Variants in INPP5F observed in about 807,000 individuals in gnomAD.
INPP5F encodes phosphatidylinositide 4-phosphatase SAC2.
In INPP5F, 97 loss-of-function variants were observed where a neutral mutation model predicts 137.2. The observed-to-expected ratio is 0.71, with a 90% CI of 0.60 to 0.84. INPP5F has a LOEUF of 0.84. Among genes scored for constraint, INPP5F ranks in the 40% least tolerant of loss-of-function variants. The probability of loss-of-function intolerance (pLI) is 0.00; values close to 1 mark genes in which losing one functional copy is unlikely to be tolerated. For synonymous variants in INPP5F, 504 were observed against 476.9 expected, an observed-to-expected ratio of 1.06 and a Z score of -0.74; for missense variants, 1,271 against 1,371.9, an observed-to-expected ratio of 0.93 and a Z score of 1.16.
intron 2 of INPP5F, among the ~76,000 whole-genome samples, chr10:119,753,414 C>G (rs1320045784): frequency 1.3e-5 from 2 of 152,186 alleles, no homozygotes; most frequent in East Asian, 3.8e-4. Flanking sequence ...AAAACAACAA[C>G]AGTGTATACT....
intron 1 of INPP5F, among the ~76,000 whole-genome samples, chr10:119,736,604 T>C (rs140182836): frequency 1.7e-3 from 259 of 152,358 alleles, no homozygotes; most frequent in African/African-American, 6.0e-3. Flanking sequence ...GTGGGACCTT[T>C]CATGAAAGTC....
At chr10:119,804,782 G>A (rs571831014) in intron 10 of INPP5F, among the ~76,000 whole-genome samples, 35 of 151,700 alleles carry the variant, frequency 2.3e-4, no homozygotes, top group African/African-American at 6.8e-4. Context: ...AGTGGAGTGC[G>A]GTGGTGTGAT....
In INPP5F at chr10:119,827,004, C is replaced by T; in HGVS notation, c.2623C>T (p.Leu875=). Residue 875 remains leucine (L), a synonymous_variant, in exon 20 of 20, where the codon CTA becomes TTA. Coordinates refer to ENST00000650623, the MANE Select transcript of INPP5F (RefSeq NM_014937.4). ...TTCTAAGTCTGATGAAGACAGGCAG[C>T]TAGCTAACTCATTAGAGAGTGTAGG... is the stretch of plus-strand genomic sequence containing the variant. ...TNSKSDEDRQ[L]ANSLESVGPI... 6.2e-7 allele frequency: 1 copy of T among 1,614,142 alleles called. No homozygotes were observed. Among genetic ancestry groups the T allele is most frequent in the Non-Finnish European group, 8.5e-7 (1 of 1,179,990 alleles).
intron 1 of INPP5F, among the ~76,000 whole-genome samples, chr10:119,745,897 G>T (rs1248019137): frequency 6.6e-6 from 1 of 151,838 alleles, no homozygotes; most frequent in Non-Finnish European, 1.5e-5. Context: ...TAGAGATGGG[G>T]TTTCACCATG....
chr10:119,792,019 C>T lies in INPP5F; in HGVS notation c.595C>T (p.Arg199Trp), dbSNP rs533977364. The change falls in exon 5 of 20, where the codon CGG (arginine) becomes TGG (tryptophan). Residue 199 changes from arginine (R) to tryptophan (W), a missense_variant. Physicochemically the swap from Arg to Trp is moderately radical, Grantham distance 101. Coordinates refer to ENST00000650623, the MANE Select transcript of INPP5F (RefSeq NM_014937.4). ...GCAGAGCACTGGGGAGAGGGACGGT[C>T]GGCCCCTCTGGCAGAAGGTACCACT... ...QRQSTGERDG[R>W]PLWQKVDDRF... 9.7e-5 allele frequency: 156 copies of T among 1,614,064 alleles called. No individual in the cohort carries two copies. Among genetic ancestry groups the T allele is most frequent in the Non-Finnish European group, 1.2e-4 (141 of 1,180,046 alleles).
chr10:119,766,375 C>T (rs1849165318), intron 2 of INPP5F, among the ~76,000 whole-genome samples: 2 of 152,158 alleles, frequency 1.3e-5, no homozygotes, highest in Admixed American at 1.3e-4. Context: ...ATCACAGGGT[C>T]ATTTACGGAT....
chr10:119,811,660 C>T, intron 14 of INPP5F, 97 bp from the exon 15 acceptor site: 1 of 943,974 alleles, frequency 1.1e-6, no homozygotes. Flanking sequence ...TGTTTTCTTC[C>T]AAGAGCTTTA....
At chr10:119,756,865 C>CAAAAAAA (rs11415974) in intron 2 of INPP5F, among the ~76,000 whole-genome samples, 1 of 97,308 alleles carries the variant, frequency 1.0e-5, no homozygotes. Context: ...AGCTCTGCCA[C>CAAAAAAA]AAAAAAAAAA....
chr10:119,792,201 T>A lies in INPP5F; in HGVS notation c.657T>A (p.Leu219=). The change falls in exon 6 of 20, where the codon CTT becomes CTA. Residue 219 remains leucine (L), a synonymous_variant. Coordinates refer to ENST00000650623, the MANE Select transcript of INPP5F (RefSeq NM_014937.4). ...FFWNKYMIQD[L]TEIGTPDVDF... Reference sequence around the variant, plus strand: ...GGAATAAATACATGATACAAGATCTTACTGAGATTGGTGTGAGTAGTTGTT... The same window carrying A: ...GGAATAAATACATGATACAAGATCTAACTGAGATTGGTGTGAGTAGTTGTT... The A allele has an allele frequency of 6.8e-6, 11 of 1,612,368 alleles. No homozygotes were observed. The highest frequency in any genetic ancestry group is 9.3e-6 in the Non-Finnish European group (11 of 1,178,364).
At chr10:119,794,829 C>T (rs1346555338) in intron 6 of INPP5F, among the ~76,000 whole-genome samples, 3 of 93,936 alleles carry the variant, frequency 3.2e-5, no homozygotes, top group East Asian at 5.6e-4. Flanking sequence ...CCAGAAGGGG[C>T]GGCTGGCCGG....
rs1014883957 is a variant in INPP5F, at chr10:119,783,194, A to G, written c.315+1423A>G. Among the ~76,000 whole-genome samples, 9 of 152,308 alleles carry G rather than the reference A, an allele frequency of 5.9e-5. No homozygotes were observed. The South Asian group carries it at 1.7e-3, about 28-fold the overall frequency. ...TTTTGTCTGCATTTTTTTTGGGTGA[A>G]GAGCAGCCAGACTAGCAAAAATTTT... On this transcript the variant is annotated intron_variant, in intron 3 of 19. Transcript: ENST00000650623.
intron 1 of INPP5F, among the ~76,000 whole-genome samples, chr10:119,733,791 G>A (rs1848151661): frequency 6.6e-6 from 1 of 152,158 alleles, no homozygotes; most frequent in South Asian, 2.1e-4. Flanking sequence ...GGGGAACCTG[G>A]CTGCATTGGT....
At chr10:119,728,940 G>C (rs1228539444) in intron 1 of INPP5F, among the ~76,000 whole-genome samples, 1 of 152,154 alleles carries the variant, frequency 6.6e-6, no homozygotes, top group Non-Finnish European at 1.5e-5. Flanking sequence ...AAGTCCCAGT[G>C]TGTTCCCCAA....
Position 119,726,065 on chromosome 10 carries a change from C to T in INPP5F, c.-198C>T, listed in dbSNP as rs1263519408. On this transcript the variant is annotated 5_prime_UTR_variant, in exon 1 of 20. Transcript: ENST00000650623. ...GAGCGGGGGGGAGAGGCCTCTACGGCCGCCGCTGCCGCCGCCGCTGCCGGG... is the reference window on the plus strand; with the variant it reads ...GAGCGGGGGGGAGAGGCCTCTACGGTCGCCGCTGCCGCCGCCGCTGCCGGG... 8.2e-6 allele frequency: 3 copies of T among 366,200 alleles called. No individual in the cohort carries two copies. The highest frequency in any genetic ancestry group is 1.5e-5 in the Non-Finnish European group (3 of 206,430). The allele number at this position is 366,200 out of a possible 1,614,324, so 22.7% of individuals were successfully genotyped here. A position where few individuals can be genotyped will look rare whatever the true frequency, so the allele number is the denominator to read the frequency against.
At chr10:119,783,585 T>C (rs1849777886) in intron 3 of INPP5F, among the ~76,000 whole-genome samples, 1 of 152,196 alleles carries the variant, frequency 6.6e-6, no homozygotes, top group African/African-American at 2.4e-5. Flanking sequence ...GACTAGTAGC[T>C]GACTATTCAA....
At chr10:119,798,701 A>G in intron 9 of INPP5F, 91 bp downstream of exon 9, 2 of 762,834 alleles carry the variant, frequency 2.6e-6, no homozygotes, top group South Asian at 2.1e-5. Context: ...GTACTATTCA[A>G]AATTAAAGCA....
intron 1 of INPP5F, among the ~76,000 whole-genome samples, chr10:119,729,565 A>G (rs1847990876): frequency 7.1e-6 from 1 of 141,190 alleles, no homozygotes; most frequent in Non-Finnish European, 1.5e-5. Flanking sequence ...CTGATGTAGC[A>G]TTATCTCATT....
chr10:119,785,268 T>C (rs1181860894), intron 3 of INPP5F, among the ~76,000 whole-genome samples: 1 of 149,672 alleles, frequency 6.7e-6, no homozygotes, highest in African/African-American at 2.5e-5. Flanking sequence ...ATCTAACCTT[T>C]TGTGGAACTG....
chr10:119,825,675 T>C (rs1002630510), intron 19 of INPP5F, among the ~76,000 whole-genome samples: 6 of 152,222 alleles, frequency 3.9e-5, no homozygotes, highest in Non-Finnish European at 1.5e-5. Context: ...GCTTTTGAAT[T>C]TGGAAAAAGA....
Sources: allele counts gnomAD v4.1 joint callset (sites outside exome capture counted in the v4.1 genomes callset), GRCh38; gene constraint gnomAD v4.1.1; transcripts MANE v1.5; gene names NCBI Gene and HGNC (gene_info 2026-07-23, HGNC 2026-07-21).